Variants in DCDC1 observed in about 807,000 individuals in gnomAD.
The protein encoded by DCDC1 is doublecortin domain containing 1.
A neutral mutation model predicts 178.3 loss-of-function variants in DCDC1; 200 were observed. The observed-to-expected ratio is 1.12, with a 90% CI of 1.00 to 1.26. The LOEUF (loss-of-function observed/expected upper bound fraction) is 1.26, where lower values mean the gene tolerates loss of function less well. Among genes scored for constraint, DCDC1 ranks in the 50% most tolerant of loss-of-function variants. The pLI, the probability that DCDC1 is intolerant of heterozygous loss-of-function variation, is 0.00. For missense variants in DCDC1, 1,983 were observed against 1,749.2 expected (o/e 1.13, Z -2.38); for synonymous variants, 690 against 604.8 (o/e 1.14, Z -2.07).
chr11:30,964,045 G>T (rs528492128), intron 20 of DCDC1, among the ~76,000 whole-genome samples: 2 of 152,054 alleles, frequency 1.3e-5, no homozygotes, highest in Admixed American at 1.3e-4. Flanking sequence ...GGCAGGAAGC[G>T]TTAGCTCTTC....
intron 13 of DCDC1, among the ~76,000 whole-genome samples, chr11:31,104,735 A>G (rs1298950451): frequency 6.6e-6 from 1 of 152,008 alleles, no homozygotes; most frequent in African/African-American, 2.4e-5. Context: ...AGCATTTAGG[A>G]GTGAAATTTT....
intron 20 of DCDC1, among the ~76,000 whole-genome samples, chr11:30,989,742 A>C (rs534149629): frequency 6.6e-6 from 1 of 152,310 alleles, no homozygotes; most frequent in African/African-American, 2.4e-5. Context: ...AATATTGTGC[A>C]TTCAAGATAT....
chr11:30,907,913 C>T (rs926595118), intron 29 of DCDC1, among the ~76,000 whole-genome samples: 1 of 152,154 alleles, frequency 6.6e-6, no homozygotes, highest in Non-Finnish European at 1.5e-5. Flanking sequence ...AGGTGTTCAT[C>T]CTACCTTCCC....
At chr11:31,021,980 T>TG (rs1565191999) in intron 20 of DCDC1, among the ~76,000 whole-genome samples, 1 of 152,172 alleles carries the variant, frequency 6.6e-6, no homozygotes, top group Non-Finnish European at 1.5e-5. Context: ...GTCTCACAGG[T>TG]AATCACTCCA....
At chr11:30,940,615 G>T (rs1246466028) in intron 21 of DCDC1, among the ~76,000 whole-genome samples, 1 of 152,050 alleles carries the variant, frequency 6.6e-6, no homozygotes, top group Non-Finnish European at 1.5e-5. Flanking sequence ...TGGAGTTTTG[G>T]TAACATTTTT....
At chr11:31,233,189 T>C (rs919211087) in intron 9 of DCDC1, among the ~76,000 whole-genome samples, 1 of 152,230 alleles carries the variant, frequency 6.6e-6, no homozygotes, top group Non-Finnish European at 1.5e-5. Flanking sequence ...AGGACTGGAT[T>C]ATGCAGCCTT....
At chr11:31,327,401 C>A (rs1179833397) in intron 3 of DCDC1, among the ~76,000 whole-genome samples, 1 of 152,058 alleles carries the variant, frequency 6.6e-6, no homozygotes, top group Non-Finnish European at 1.5e-5. Context: ...AACTCCCGAC[C>A]TCAGGTGATC....
At chr11:31,141,882 A>C (rs1447317494) in intron 9 of DCDC1, among the ~76,000 whole-genome samples, 1 of 152,216 alleles carries the variant, frequency 6.6e-6, no homozygotes, top group African/African-American at 2.4e-5. Context: ...CTAACCACGA[A>C]ATCAATCATT....
intron 9 of DCDC1, among the ~76,000 whole-genome samples, chr11:31,185,159 A>G (rs1435740034): frequency 1.3e-5 from 2 of 152,246 alleles, no homozygotes; most frequent in Non-Finnish European, 2.9e-5. Flanking sequence ...TAACACAAGA[A>G]GAGAAAATCA....
intron 9 of DCDC1, among the ~76,000 whole-genome samples, chr11:31,149,983 T>C (rs962150099): frequency 2.6e-5 from 4 of 152,222 alleles, no homozygotes; most frequent in Non-Finnish European, 5.9e-5. Flanking sequence ...TGTTCTACTT[T>C]TAGTTCTTTA....
At chr11:31,344,850 G>C (rs950462500) in intron 1 of DCDC1, among the ~76,000 whole-genome samples, 1 of 152,190 alleles carries the variant, frequency 6.6e-6, no homozygotes, top group Non-Finnish European at 1.5e-5. Flanking sequence ...CCTAACTAGA[G>C]TTTAATCTTG....
intron 20 of DCDC1, among the ~76,000 whole-genome samples, chr11:31,031,588 C>T (rs1408700546): frequency 6.6e-6 from 1 of 151,930 alleles, no homozygotes; most frequent in Non-Finnish European, 1.5e-5. Flanking sequence ...TAAAAATGTA[C>T]ACACTTATTG....
At chr11:31,117,272 T>C (rs1211674540) in intron 11 of DCDC1, among the ~76,000 whole-genome samples, 1 of 151,960 alleles carries the variant, frequency 6.6e-6, no homozygotes, top group East Asian at 1.9e-4. Flanking sequence ...GGGAATCAGA[T>C]CTGATGAGTG....
At chr11:31,117,502 T>G (rs543540987) in intron 11 of DCDC1, among the ~76,000 whole-genome samples, 1 of 152,000 alleles carries the variant, frequency 6.6e-6, no homozygotes, top group Non-Finnish European at 1.5e-5. Context: ...CCAGCCCTAA[T>G]GGAGGGCTGG....
At chr11:31,174,935 A>G (rs967388638) in intron 9 of DCDC1, among the ~76,000 whole-genome samples, 1 of 152,168 alleles carries the variant, frequency 6.6e-6, no homozygotes, top group Non-Finnish European at 1.5e-5. Context: ...CTTCCTGGAC[A>G]CAGTTCAGGA....
At chr11:31,323,069 G>A (rs1460539985) in intron 3 of DCDC1, among the ~76,000 whole-genome samples, 3 of 152,180 alleles carry the variant, frequency 2.0e-5, no homozygotes, top group South Asian at 4.2e-4. Context: ...ATTTAATCAG[G>A]AACGTTTCAC....
chr11:31,179,361 A>C (rs1968481190), intron 9 of DCDC1, among the ~76,000 whole-genome samples: 1 of 152,232 alleles, frequency 6.6e-6, no homozygotes, highest in South Asian at 2.1e-4. Flanking sequence ...ACTATGTCCA[A>C]GACAATCTGT....
At chr11:31,237,227 A>T (rs1976570462) in intron 9 of DCDC1, among the ~76,000 whole-genome samples, 1 of 151,928 alleles carries the variant, frequency 6.6e-6, no homozygotes, top group Non-Finnish European at 1.5e-5. Flanking sequence ...ACAAAATCTA[A>T]GTGCTTTGGT....
chr11:31,032,592 A>T (rs368354322), intron 20 of DCDC1, among the ~76,000 whole-genome samples: 1 of 152,102 alleles, frequency 6.6e-6, no homozygotes, highest in Non-Finnish European at 1.5e-5. Flanking sequence ...TACTAATGAG[A>T]CAGTGTAAAT....
Sources: allele counts gnomAD v4.1 joint callset (sites outside exome capture counted in the v4.1 genomes callset), GRCh38; gene constraint gnomAD v4.1.1; transcripts MANE v1.5; gene names NCBI Gene and HGNC (gene_info 2026-07-23, HGNC 2026-07-21).